FNDC7: variants seen among roughly 807,000 people sequenced by gnomAD.
The protein encoded by FNDC7 is fibronectin type III domain-containing protein 7.
FNDC7 carries 66 observed loss-of-function variants against 74.2 expected under a neutral mutation model. The ratio of observed to expected loss-of-function variants is 0.89; its 90% CI spans 0.73 to 1.09. The LOEUF is 1.09. Ranked by LOEUF, FNDC7 falls within the 50% of genes least tolerant of loss-of-function variation. The pLI is 0.00. For synonymous variants in FNDC7, 307 were observed against 330.2 expected (o/e 0.93, Z 0.76); for missense variants, 829 against 893.4 (o/e 0.93, Z 0.92).
rs758338804 is a variant in FNDC7, at chr1:108,725,746, C to G, written c.857-4C>G. On this transcript the variant is annotated splice_polypyrimidine_tract_variant and splice_region_variant and intron_variant, in intron 5 of 12. Coordinates refer to ENST00000370017, the MANE Select transcript of FNDC7 (RefSeq NM_001144937.3). ...TCTCATGTTTATTATTGATCATTTC[C>G]TAGTTGCTTGTGCACCCGGAAGAGT... is the stretch of plus-strand genomic sequence containing the variant. 2 of 1,612,982 alleles carry G rather than the reference C, an allele frequency of 1.2e-6. No individual in the cohort carries two copies. Among genetic ancestry groups the G allele is most frequent in the Admixed American group, 3.3e-5 (2 of 59,938 alleles).
chr1:108,721,458 G>A (rs1017281917), intron 4 of FNDC7, among the ~76,000 whole-genome samples: 2 of 152,090 alleles, frequency 1.3e-5, no homozygotes, highest in African/African-American at 4.8e-5. Context: ...GACAGAGCGA[G>A]GCTCCGTCTC....
In FNDC7 at chr1:108,731,750, C is replaced by T. The variant is rs141039797; in HGVS notation, c.1879+822C>T. 8.0e-3 allele frequency among the ~76,000 whole-genome samples: 1,218 copies of T among 152,232 alleles called. 11 individuals are homozygous for T. The highest frequency in any genetic ancestry group is 0.028 in the African/African-American group (1,143 of 41,540). The stretch of plus-strand genomic sequence containing the variant: ...AGACAGGAATAGTAATATTTTCCTT[C>T]GAAGTTGTTTTGAGAATCAAAATAA... On this transcript the variant is annotated intron_variant, in intron 9 of 12. Coordinates refer to ENST00000370017, the MANE Select transcript of FNDC7 (RefSeq NM_001144937.3).
Position 108,717,768 on chromosome 1 carries a change from C to G in FNDC7, c.83-9C>G. The G allele has an allele frequency of 6.4e-7, 1 of 1,551,356 alleles. No individual in the cohort carries two copies. The highest frequency in any genetic ancestry group is 8.7e-7 in the Non-Finnish European group (1 of 1,146,688). Reference sequence around the variant, plus strand: ...CTTGGCTAATGTACAACTCTAAAACCTCTTTCAGCTCCTGAAATACCCACT... The same window carrying G: ...CTTGGCTAATGTACAACTCTAAAACGTCTTTCAGCTCCTGAAATACCCACT... On this transcript the variant is annotated splice_polypyrimidine_tract_variant and intron_variant, in intron 2 of 12. Transcript: ENST00000370017.
intron 5 of FNDC7, among the ~76,000 whole-genome samples, chr1:108,723,056 A>G (rs1661132591): frequency 6.6e-6 from 1 of 152,148 alleles, no homozygotes; most frequent in Non-Finnish European, 1.5e-5. Flanking sequence ...CTTATCAGAG[A>G]GATAACCACA....
intron 5 of FNDC7, among the ~76,000 whole-genome samples, chr1:108,724,025 T>C (rs1206293773): frequency 6.6e-6 from 1 of 152,256 alleles, no homozygotes; most frequent in African/African-American, 2.4e-5. Context: ...GTTTACAAAC[T>C]ACGGTGTGTC....
intron 10 of FNDC7, among the ~76,000 whole-genome samples, chr1:108,736,010 G>A (rs1661505490): frequency 2.0e-5 from 3 of 151,912 alleles, no homozygotes; most frequent in African/African-American, 7.3e-5. Context: ...GTCTTGCTTT[G>A]TTGCCCAGGC....
chr1:108,740,938 C>T (rs531931317), intron 11 of FNDC7, among the ~76,000 whole-genome samples: 1 of 152,306 alleles, frequency 6.6e-6, no homozygotes, highest in Non-Finnish European at 1.5e-5. Context: ...TGCATTTTAA[C>T]CTTGGTCCTC....
intron 11 of FNDC7, 42 bp downstream of exon 11, chr1:108,737,566 G>C: frequency 6.5e-7 from 1 of 1,541,238 alleles, no homozygotes. Flanking sequence ...CAGGATTTTT[G>C]TTGCTCCATT....
At position 108,725,929 on chromosome 1, in the gene FNDC7, A is replaced by G; in HGVS notation, c.1036A>G (p.Thr346Ala). Reference sequence around the variant, plus strand: ...CAACTTCTTATCTGAGTGTGGCTTCACTTATTTTATTAGTGTTTTTGTCTA... The same window carrying G: ...CAACTTCTTATCTGAGTGTGGCTTCGCTTATTTTATTAGTGTTTTTGTCTA... ...QCNFLSECGF[T>A]YFISVFVYNK... The change falls in exon 6 of 13, where the codon ACT becomes GCT. Residue 346 changes from threonine to alanine, a missense_variant. Coordinates refer to ENST00000370017, the MANE Select transcript of FNDC7 (RefSeq NM_001144937.3). 6.2e-7 allele frequency: 1 copy of G among 1,614,048 alleles called. No homozygotes were observed. The highest frequency in any genetic ancestry group is 1.6e-4 in the Middle Eastern group (1 of 6,062).
intron 9 of FNDC7, 32 bp from the exon 10 acceptor site, chr1:108,733,240 G>C (rs372030179): frequency 5.8e-5 from 92 of 1,594,662 alleles, no homozygotes; most frequent in Non-Finnish European, 7.3e-5. Context: ...AATAAAACAA[G>C]TGATTTTGTG....
chr1:108,728,805 G>C lies in FNDC7; in HGVS notation c.1543G>C (p.Gly515Arg), dbSNP rs1231338148. Reference sequence around the variant, plus strand: ...CTGCACCATGCGGGGCTTGCCCTGTGGCTCAGTGTTCTCTGTCACTGCTGT... The same window carrying C: ...CTGCACCATGCGGGGCTTGCCCTGTCGCTCAGTGTTCTCTGTCACTGCTGT... Reference protein sequence around the residue: ...ESCTMRGLPCGSVFSVTAVAE... With the variant: ...ESCTMRGLPCRSVFSVTAVAE... The change falls in exon 8 of 13, where the codon GGC becomes CGC. Residue 515 changes from glycine (G) to arginine (R), a missense_variant. Gly to Arg is a moderately radical substitution (Grantham distance 125, BLOSUM62 -2). Coordinates refer to ENST00000370017, the MANE Select transcript of FNDC7 (RefSeq NM_001144937.3). 14 of 1,614,134 alleles carry C rather than the reference G, an allele frequency of 8.7e-6. 1 individual carries two copies. The South Asian group carries it at 1.3e-4, about 15-fold the overall frequency.
At chr1:108,714,478 C>A (rs1660931914) in intron 2 of FNDC7, among the ~76,000 whole-genome samples, 1 of 152,178 alleles carries the variant, frequency 6.6e-6, no homozygotes, top group African/African-American at 2.4e-5. Context: ...GATTTCAAGA[C>A]CAGCCTGGGC....
At chr1:108,721,660 G>A (rs1661095421) in intron 4 of FNDC7, among the ~76,000 whole-genome samples, 1 of 152,126 alleles carries the variant, frequency 6.6e-6, no homozygotes, top group East Asian at 1.9e-4. Context: ...CTTTTTTAAT[G>A]CGGTAACTCT....
chr1:108,727,948 A>AC lies in FNDC7; in HGVS notation c.1253dup (p.Pro419SerfsTer11), dbSNP rs749035149. ...CAACATGGTTGAGTGCAATGACACT[A>AC]CTCCTGCGTGCACCCTTTCGGCTCT... On this transcript the variant is annotated frameshift_variant, in exon 7 of 13. Transcript: ENST00000370017. LOFTEE classifies it high-confidence loss of function. 5 of 1,613,686 alleles carry AC rather than the reference A, an allele frequency of 3.1e-6. No individual in the cohort carries two copies. In the Admixed American group the frequency reaches 8.3e-5, roughly 27 times the overall value.
chr1:108,722,620 CG>C (rs1456599881), intron 5 of FNDC7, 28 bp downstream of exon 5: 5 of 1,591,366 alleles, frequency 3.1e-6, no homozygotes, highest in Non-Finnish European at 2.6e-6. Context: ...AGACTGCTGT[CG>C]GGCTTGCAGC....
In FNDC7 at chr1:108,722,630, G is replaced by T. The variant is rs1265935130; in HGVS notation, c.856+38G>T. On this transcript the variant is annotated intron_variant, in intron 5 of 12. Transcript: ENST00000370017. ...GAGTGAGACTGCTGTCGGGCTTGCA[G>T]CCCTGACTGCTGTAAGGGAGACGTT... 3 of 1,579,004 alleles carry T rather than the reference G, an allele frequency of 1.9e-6. No individual in the cohort carries two copies. The Admixed American group carries it at 5.3e-5, about 28-fold the overall frequency.
At chr1:108,725,700 G>T in intron 5 of FNDC7, 50 bp from the exon 6 acceptor site, 1 of 1,575,010 alleles carries the variant, frequency 6.3e-7, no homozygotes. Context: ...GCAAAGATGC[G>T]AAGAAAATCT....
intron 6 of FNDC7, among the ~76,000 whole-genome samples, chr1:108,726,790 T>G (rs1025384379): frequency 1.3e-5 from 2 of 152,190 alleles, no homozygotes; most frequent in Non-Finnish European, 2.9e-5. Flanking sequence ...CAAACATAAT[T>G]ATGTAAAAGT....
At chr1:108,725,650 A>T in intron 5 of FNDC7, 100 bp from the exon 6 acceptor site, 1 of 1,278,708 alleles carries the variant, frequency 7.8e-7, no homozygotes, top group Non-Finnish European at 1.1e-6. Context: ...CACAAAGCTC[A>T]GAGTTGCTAA....
Sources: allele counts gnomAD v4.1 joint callset (sites outside exome capture counted in the v4.1 genomes callset), GRCh38; gene constraint gnomAD v4.1.1; transcripts MANE v1.5; gene names NCBI Gene and HGNC (gene_info 2026-07-23, HGNC 2026-07-21).